The following TAF2 variants were observed in gnomAD, a reference collection of about 807,000 sequenced individuals.
TAF2 encodes TATA-box binding protein associated factor 2, also known as transcription initiation factor TFIID subunit 2.
In TAF2, 61 loss-of-function variants were observed where a neutral mutation model predicts 138.5. That is an observed-to-expected ratio of 0.44 (90% CI 0.36 to 0.54). The LOEUF is 0.54. Ranked by LOEUF, TAF2 falls within the 20% of genes least tolerant of loss-of-function variation. TAF2 has a pLI of 0.00. For missense variants in TAF2, 1,090 were observed against 1,427.9 expected (o/e 0.76, Z 3.81); for synonymous variants, 475 against 469.9 (o/e 1.01, Z -0.14).
intron 18 of TAF2, among the ~76,000 whole-genome samples, chr8:119,770,211 C>T (rs570035608): frequency 4.7e-4 from 71 of 151,908 alleles, no homozygotes; most frequent in Non-Finnish European, 8.8e-4. Flanking sequence ...AAAATTTCCC[C>T]AATCTCATTA....
intron 25 of TAF2, among the ~76,000 whole-genome samples, chr8:119,734,903 G>C (rs1819124394): frequency 6.6e-6 from 1 of 152,122 alleles, no homozygotes; most frequent in Admixed American, 6.6e-5. Flanking sequence ...AAGAAATAAG[G>C]AAACAAAGAA....
intron 22 of TAF2, among the ~76,000 whole-genome samples, chr8:119,755,281 TG>T: frequency 6.6e-6 from 1 of 152,230 alleles, no homozygotes; most frequent in East Asian, 1.9e-4. Context: ...CCAAGGCGGG[TG>T]GATCAGGAGT....
At position 119,830,693 on chromosome 8, in the gene TAF2, A is replaced by G. The variant is rs533358453; in HGVS notation, c.138+984T>C. 1.1e-4 allele frequency among the ~76,000 whole-genome samples: 16 copies of G among 152,366 alleles called. No homozygotes were observed. The East Asian group carries it at 3.1e-3, about 29-fold the overall frequency. On this transcript the variant is annotated intron_variant, in intron 2 of 25. Transcript: ENST00000378164. ...TTCAGCTTATCCTAAGTAAATATAT[A>G]CATACATGGGTAACAAATCTGACAG...
intron 3 of TAF2, among the ~76,000 whole-genome samples, chr8:119,816,740 T>C (rs763547360): frequency 6.6e-6 from 1 of 152,232 alleles, no homozygotes; most frequent in African/African-American, 2.4e-5. Flanking sequence ...ATAATTGGTG[T>C]GTTTTTGTCA....
intron 11 of TAF2, among the ~76,000 whole-genome samples, chr8:119,790,299 G>A (rs1052416968): frequency 6.6e-5 from 10 of 152,072 alleles, no homozygotes; most frequent in African/African-American, 1.7e-4. Flanking sequence ...AGTCAGGCAC[G>A]ATGGTGCATG....
chr8:119,796,905 G>C, intron 8 of TAF2, 85 bp downstream of exon 8: 1 of 951,410 alleles, frequency 1.1e-6, no homozygotes, highest in Non-Finnish European at 1.7e-6. Flanking sequence ...CTGCAATTAG[G>C]GCAAAGGTCA....
At chr8:119,792,421 G>C (rs934602940) in intron 10 of TAF2, among the ~76,000 whole-genome samples, 1 of 152,088 alleles carries the variant, frequency 6.6e-6, no homozygotes, top group East Asian at 1.9e-4. Flanking sequence ...AAAGTGCTGG[G>C]ATTACAGGCA....
At chr8:119,825,311 A>G (rs1826027697) in intron 2 of TAF2, among the ~76,000 whole-genome samples, 1 of 152,188 alleles carries the variant, frequency 6.6e-6, no homozygotes, top group South Asian at 2.1e-4. Context: ...GAATGGCTGT[A>G]TTTACCCATT....
intron 2 of TAF2, 144 bp from the exon 3 acceptor site, chr8:119,819,650 T>C (rs1825699175): frequency 1.5e-6 from 1 of 684,234 alleles, no homozygotes; most frequent in African/African-American, 1.8e-5. Context: ...TCTCCAAGTA[T>C]CTTAATTTCA....
At chr8:119,811,489 C>T (rs912171792) in intron 3 of TAF2, among the ~76,000 whole-genome samples, 3 of 152,098 alleles carry the variant, frequency 2.0e-5, no homozygotes, top group African/African-American at 7.2e-5. Context: ...GCCAAAACCA[C>T]AATGAACAAG....
intron 25 of TAF2, among the ~76,000 whole-genome samples, chr8:119,740,955 T>C (rs10102508): frequency 0.032 from 4,904 of 152,228 alleles, 144 homozygotes; most frequent in South Asian, 0.11. Flanking sequence ...CTGGTATACA[T>C]TTTTGCCTCA....
intron 22 of TAF2, among the ~76,000 whole-genome samples, chr8:119,747,670 C>G (rs10086913): frequency 0.71 from 108,097 of 152,090 alleles, 38,583 homozygotes; most frequent in Middle Eastern, 0.85. Flanking sequence ...CTCCCCAGTA[C>G]AACACTCCAG....
At chr8:119,760,030 C>T (rs1483519824) in intron 20 of TAF2, among the ~76,000 whole-genome samples, 1 of 109,408 alleles carries the variant, frequency 9.1e-6, no homozygotes, top group Middle Eastern at 3.9e-3. Context: ...TTCATTTACG[C>T]CCCCCCAGAG....
At position 119,791,422 on chromosome 8, in the gene TAF2, G is replaced by A. The variant is rs1307836025; in HGVS notation, c.1315C>T (p.His439Tyr). 2 of 1,613,712 alleles carry A rather than the reference G, an allele frequency of 1.2e-6. No individual in the cohort carries two copies. The highest frequency in any genetic ancestry group is 1.1e-5 in the South Asian group (1 of 91,080). Residue 439 changes from histidine to tyrosine, a missense_variant, in exon 11 of 26, where the codon CAT becomes TAT. By Grantham distance (83) the His-to-Tyr change is moderately conservative (BLOSUM62 2). This residue lies in a region of TAF2 where 504 missense variants were observed against 680.9 expected (regional missense o/e 0.74). Coordinates refer to ENST00000378164, the MANE Select transcript of TAF2 (RefSeq NM_003184.4). Reference protein sequence around the residue: ...SHLHFSIKHPHTLSWEYYSMF... With the variant: ...SHLHFSIKHPYTLSWEYYSMF... ...CTGTAGTATTCCCAGGACAGTGTATGTGGATGCTTTATTGAAAAGTGTAGA... is the reference window on the plus strand; with the variant it reads ...CTGTAGTATTCCCAGGACAGTGTATATGGATGCTTTATTGAAAAGTGTAGA...
intron 23 of TAF2, chr8:119,744,594 A>G: frequency 1.7e-6 from 1 of 585,502 alleles, no homozygotes; most frequent in East Asian, 2.9e-5. Context: ...AGCCAATTAG[A>G]AATTACTGGA....
chr8:119,806,771 G>T (rs1455483129), intron 3 of TAF2, among the ~76,000 whole-genome samples: 1 of 151,830 alleles, frequency 6.6e-6, no homozygotes, highest in Non-Finnish European at 1.5e-5. Flanking sequence ...CCTGGCCTCT[G>T]AGCATTTTCT....
chr8:119,731,837 C>T lies in TAF2; in HGVS notation c.*87G>A. 3.0e-6 allele frequency: 4 copies of T among 1,334,680 alleles called. No homozygotes were observed. The highest frequency in any genetic ancestry group is 4.3e-6 in the Non-Finnish European group (4 of 928,872). 82.7% of individuals were successfully genotyped at this position (1,334,680 alleles called of 1,614,324 possible). ...GTAGGAGAGGCGAATCCTTTCCCCC[C>T]TCCCTTTTATAATTCTTCACAGAGG... On this transcript the variant is annotated 3_prime_UTR_variant, in exon 26 of 26. Transcript: ENST00000378164.
chr8:119,733,659 A>AGGTT (rs1819029189), intron 25 of TAF2, among the ~76,000 whole-genome samples: 1 of 152,302 alleles, frequency 6.6e-6, no homozygotes, highest in Non-Finnish European at 1.5e-5. Context: ...CTATATTTAT[A>AGGTT]GGTTAATGGT....
chr8:119,825,857 T>TA (rs1215989197), intron 2 of TAF2, among the ~76,000 whole-genome samples: 3 of 151,014 alleles, frequency 2.0e-5, no homozygotes, highest in Admixed American at 1.3e-4. Flanking sequence ...GCTAATTTTT[T>TA]TTTTTTTTGT....
Sources: gnomAD v4.1 joint callset for allele counts (sites outside exome capture counted in the v4.1 genomes callset) on GRCh38, gnomAD v4.1.1 for gene constraint, gnomAD v4.1.1 regional missense constraint, MANE v1.5 for transcripts, NCBI Gene and HGNC (gene_info 2026-07-23, HGNC 2026-07-21) for gene names.